The following GRM8 variants were observed in gnomAD, a reference collection of about 807,000 sequenced individuals.
GRM8 encodes the protein metabotropic glutamate receptor 8.
GRM8 carries 47 observed loss-of-function variants against 87.2 expected under a neutral mutation model. That is an observed-to-expected ratio of 0.54 (90% CI 0.43 to 0.69). The LOEUF is 0.69. Ranked by LOEUF, GRM8 falls within the 30% of genes least tolerant of loss-of-function variation. GRM8 has a pLI of 0.00. For missense variants in GRM8, 1,019 were observed against 1,139.2 expected (o/e 0.89, Z 1.52); for synonymous variants, 396 against 404.5 (o/e 0.98, Z 0.25).
chr7:126,967,626 C>T (rs537471624), intron 3 of GRM8, among the ~76,000 whole-genome samples: 56 of 152,000 alleles, frequency 3.7e-4, no homozygotes, highest in African/African-American at 1.3e-3. Context: ...ATTAGGAAAT[C>T]GTCTCTTCCA....
chr7:126,572,851 G>A (rs572245787), intron 8 of GRM8, among the ~76,000 whole-genome samples: 1 of 152,158 alleles, frequency 6.6e-6, no homozygotes, highest in South Asian at 2.1e-4. Flanking sequence ...GAGACACAGA[G>A]GTACAGAAGT....
chr7:127,147,523 C>A (rs958542924), intron 2 of GRM8, among the ~76,000 whole-genome samples: 1 of 152,002 alleles, frequency 6.6e-6, no homozygotes, highest in Non-Finnish European at 1.5e-5. Flanking sequence ...CCCTCCTATC[C>A]CCCCACTCAC....
chr7:127,026,248 T>C lies in GRM8; in HGVS notation c.727+80248A>G, dbSNP rs1329840104. Among the ~76,000 whole-genome samples the C allele has an allele frequency of 2.0e-5, 3 of 152,198 alleles. No homozygotes were observed. In the East Asian group the frequency reaches 5.8e-4, roughly 29 times the overall value. On this transcript the variant is annotated intron_variant, in intron 3 of 10. Coordinates refer to ENST00000339582, the MANE Select transcript of GRM8 (RefSeq NM_000845.3). Reference sequence around the variant, plus strand: ...CACATTTTCTTTATCCAGTCTATCATTGTTGGACATTTGGGTTGGTTCCAA... The same window carrying C: ...CACATTTTCTTTATCCAGTCTATCACTGTTGGACATTTGGGTTGGTTCCAA...
chr7:126,625,233 TTACTTCAA>T (rs1563027391), intron 7 of GRM8, among the ~76,000 whole-genome samples: 1 of 152,188 alleles, frequency 6.6e-6, no homozygotes, highest in Non-Finnish European at 1.5e-5. Flanking sequence ...TTAATACTCA[TTACTTCAA>T]TGTGGATATA....
At chr7:126,500,928 C>A (rs1235725018) in intron 9 of GRM8, among the ~76,000 whole-genome samples, 1 of 151,910 alleles carries the variant, frequency 6.6e-6, no homozygotes, top group Non-Finnish European at 1.5e-5. Context: ...GTTATGCTCT[C>A]CCTTAGTCTT....
intron 7 of GRM8, among the ~76,000 whole-genome samples, chr7:126,655,078 G>A (rs1804355339): frequency 1.3e-5 from 2 of 152,282 alleles, no homozygotes; most frequent in East Asian, 3.9e-4. Flanking sequence ...ACATAAAATG[G>A]ATGGTACAAC....
chr7:127,223,155 G>A (rs1342766942), intron 2 of GRM8, among the ~76,000 whole-genome samples: 2 of 152,062 alleles, frequency 1.3e-5, no homozygotes, highest in African/African-American at 2.4e-5. Context: ...AGAAGACACC[G>A]AAAGGTGGGG....
At chr7:126,753,399 T>C in intron 7 of GRM8, among the ~76,000 whole-genome samples, 1 of 141,504 alleles carries the variant, frequency 7.1e-6, no homozygotes, top group East Asian at 2.0e-4. Context: ...TATATATATA[T>C]AGATAGATAG....
At chr7:126,611,025 A>T (rs1798865242) in intron 7 of GRM8, among the ~76,000 whole-genome samples, 1 of 152,242 alleles carries the variant, frequency 6.6e-6, no homozygotes, top group African/African-American at 2.4e-5. Flanking sequence ...CTTAACAATA[A>T]ATATGAATAA....
At chr7:126,700,940 A>G (rs1269070617) in intron 7 of GRM8, among the ~76,000 whole-genome samples, 1 of 151,956 alleles carries the variant, frequency 6.6e-6, no homozygotes, top group East Asian at 1.9e-4. Context: ...TCTCTACTAT[A>G]TTTACCATAT....
chr7:126,885,914 G>T (rs1246909798), intron 6 of GRM8, among the ~76,000 whole-genome samples: 1 of 152,024 alleles, frequency 6.6e-6, no homozygotes, highest in South Asian at 2.1e-4. Flanking sequence ...AAACATAAGC[G>T]CCTGAAGCAG....
intron 8 of GRM8, among the ~76,000 whole-genome samples, chr7:126,577,772 G>A (rs1206892279): frequency 6.6e-6 from 1 of 152,034 alleles, no homozygotes; most frequent in Non-Finnish European, 1.5e-5. Flanking sequence ...GTACCCTCTT[G>A]AGCATGCTTT....
chr7:126,691,901 T>A (rs1234171234), intron 7 of GRM8, among the ~76,000 whole-genome samples: 2 of 152,204 alleles, frequency 1.3e-5, no homozygotes, highest in Non-Finnish European at 2.9e-5. Flanking sequence ...ACTACCTAGA[T>A]CTTCGGGCCC....
chr7:126,982,780 C>T (rs1425141670), intron 3 of GRM8, among the ~76,000 whole-genome samples: 1 of 152,166 alleles, frequency 6.6e-6, no homozygotes, highest in East Asian at 1.9e-4. Context: ...TTCTACTACC[C>T]ATTCTGTATT....
chr7:126,441,994 C>A (rs1426554949), intron 10 of GRM8, among the ~76,000 whole-genome samples: 1 of 65,704 alleles, frequency 1.5e-5, no homozygotes, highest in Non-Finnish European at 2.9e-5. Flanking sequence ...CTATTCCCTG[C>A]AAAATGCGTG....
chr7:126,905,765 A>G (rs1271132352), intron 3 of GRM8, among the ~76,000 whole-genome samples: 1 of 152,200 alleles, frequency 6.6e-6, no homozygotes, highest in African/African-American at 2.4e-5. Context: ...TAAAGTATAT[A>G]ATTAATAGGA....
At chr7:126,831,626 G>A (rs1241790522) in intron 6 of GRM8, among the ~76,000 whole-genome samples, 1 of 152,212 alleles carries the variant, frequency 6.6e-6, no homozygotes, top group East Asian at 1.9e-4. Flanking sequence ...GACCAGGAAA[G>A]GGAAGTCCCT....
intron 3 of GRM8, among the ~76,000 whole-genome samples, chr7:126,946,559 C>T (rs1807561677): frequency 6.6e-6 from 1 of 152,122 alleles, no homozygotes; most frequent in African/African-American, 2.4e-5. Context: ...AAGACCAGGA[C>T]TTGCCAGCTG....
chr7:126,453,546 A>G lies in GRM8; in HGVS notation c.2431-7174T>C, dbSNP rs116147834. Among the ~76,000 whole-genome samples the G allele has an allele frequency of 4.3e-3, 650 of 151,858 alleles. 4 individuals are homozygous for G. Among genetic ancestry groups the G allele is most frequent in the African/African-American group, 0.015 (624 of 41,490 alleles). On this transcript the variant is annotated intron_variant, in intron 9 of 10. Transcript: ENST00000339582. ...GGAAACTAGCTAAAGAGAATGATACAGCATCAACCAACAAGCAGAATATCA... is the reference window on the plus strand; with the variant it reads ...GGAAACTAGCTAAAGAGAATGATACGGCATCAACCAACAAGCAGAATATCA...
Sources: gnomAD v4.1 joint callset for allele counts (sites outside exome capture counted in the v4.1 genomes callset) on GRCh38, gnomAD v4.1.1 for gene constraint, MANE v1.5 for transcripts, NCBI Gene and HGNC (gene_info 2026-07-23, HGNC 2026-07-21) for gene names.